The following DOCK10 variants were observed in gnomAD, a reference collection of about 807,000 sequenced individuals.
DOCK10 encodes dedicator of cytokinesis protein 10.
Under a neutral mutation model 280.1 loss-of-function variants are expected in DOCK10, and 145 were observed. That is an observed-to-expected ratio of 0.52 (90% CI 0.45 to 0.59). DOCK10 has a LOEUF of 0.59. Ranked by LOEUF, DOCK10 falls within the 20% of genes least tolerant of loss-of-function variation. The pLI, the probability that DOCK10 is intolerant of heterozygous loss-of-function variation, is 0.00. For missense variants in DOCK10, 2,368 were observed against 2,651.7 expected, an observed-to-expected ratio of 0.89 and a Z score of 2.35; for synonymous variants, 915 against 942.2, an observed-to-expected ratio of 0.97 and a Z score of 0.53.
intron 1 of DOCK10, chr2:225,010,557 A>G (rs1013036809): frequency 6.5e-6 from 1 of 154,296 alleles, no homozygotes; most frequent in Non-Finnish European, 1.5e-5. Context: ...AGCTGACATC[A>G]GTTTCTTTTA....
At chr2:224,828,984 C>G (rs1334598261) in intron 27 of DOCK10, among the ~76,000 whole-genome samples, 2 of 152,182 alleles carry the variant, frequency 1.3e-5, no homozygotes, top group African/African-American at 4.8e-5. Context: ...TACACATTGA[C>G]TGAAGAGGTG....
At chr2:224,858,328 GC>G (rs1482243037) in intron 14 of DOCK10, among the ~76,000 whole-genome samples, 5 of 152,112 alleles carry the variant, frequency 3.3e-5, no homozygotes, top group African/African-American at 1.2e-4. Context: ...GAGAAGTTTT[GC>G]TCACAGTGCC....
chr2:224,899,918 C>T (rs886181572), intron 3 of DOCK10, among the ~76,000 whole-genome samples: 2 of 152,138 alleles, frequency 1.3e-5, no homozygotes, highest in African/African-American at 4.8e-5. Flanking sequence ...TATTCTTGTC[C>T]TGGGACTAGG....
intron 1 of DOCK10, among the ~76,000 whole-genome samples, chr2:224,973,255 C>T (rs927671311): frequency 3.3e-5 from 5 of 152,150 alleles, no homozygotes; most frequent in Non-Finnish European, 7.4e-5. Context: ...AGCCCCTTAA[C>T]AACGTACATG....
intron 2 of DOCK10, among the ~76,000 whole-genome samples, chr2:224,926,804 T>A (rs1702067932): frequency 6.6e-6 from 1 of 152,236 alleles, no homozygotes; most frequent in African/African-American, 2.4e-5. Context: ...AACATTATGT[T>A]ATAAAATAGC....
chr2:225,009,568 G>C (rs1190173781), intron 1 of DOCK10, among the ~76,000 whole-genome samples: 2 of 149,136 alleles, frequency 1.3e-5, no homozygotes, highest in East Asian at 4.0e-4. Context: ...AAGGTTAGCA[G>C]AATGTCGTCT....
In DOCK10 at chr2:224,885,520, G is replaced by A. The variant is rs1574994034; in HGVS notation, c.747+151C>T. On this transcript the variant is annotated intron_variant, in intron 7 of 55. Coordinates refer to ENST00000258390, the MANE Select transcript of DOCK10 (RefSeq NM_014689.3). ...TCTTTCTCTCTGGAAAGTAAGATTT[G>A]TGAAAGTAGAGATCCAGGCTGCCTT... 28 of 709,078 alleles carry A rather than the reference G, an allele frequency of 3.9e-5. 1 individual carries two copies. The East Asian group carries it at 9.1e-4, about 23-fold the overall frequency. 43.9% of individuals were successfully genotyped at this position (709,078 alleles called of 1,614,324 possible). A position where few individuals can be genotyped will look rare whatever the true frequency, so the allele number is the denominator to read the frequency against.
In DOCK10 at chr2:224,846,968, T is replaced by C. The variant is rs1696403673; in HGVS notation, c.2236-1326A>G. On this transcript the variant is annotated intron_variant, in intron 19 of 55. Transcript: ENST00000258390. Reference sequence around the variant, plus strand: ...ATGCACATTGTTGAGTAATATGGTATAGTAAATGATGCAGCTTCGGCATGG... The same window carrying C: ...ATGCACATTGTTGAGTAATATGGTACAGTAAATGATGCAGCTTCGGCATGG... Among the ~76,000 whole-genome samples the C allele has an allele frequency of 2.0e-5, 3 of 152,348 alleles. No homozygotes were observed. In the South Asian group the frequency reaches 6.2e-4, roughly 32 times the overall value.
chr2:224,904,314 CAA>C lies in DOCK10; in HGVS notation c.334-7939_334-7938del, dbSNP rs869085307. Among the ~76,000 whole-genome samples the C allele has an allele frequency of 1.4e-4, 21 of 151,928 alleles. No homozygotes were observed. The East Asian group carries it at 3.7e-3, about 27-fold the overall frequency. On this transcript the variant is annotated intron_variant, in intron 3 of 55. Coordinates refer to ENST00000258390, the MANE Select transcript of DOCK10 (RefSeq NM_014689.3). ...TTAGTGAATGAAGAGCCTTATTTTT[CAA>C]AAAATAAAAATCCAAAACCCCCAAA...
chr2:224,790,781 C>T (rs1035524038), intron 47 of DOCK10, among the ~76,000 whole-genome samples: 2 of 152,066 alleles, frequency 1.3e-5, no homozygotes, highest in African/African-American at 4.8e-5. Context: ...TATATTCATA[C>T]AATTGTGAAC....
In DOCK10 at chr2:224,770,093, T is replaced by C. The variant is rs115040038; in HGVS notation, c.6444+118A>G. ...CGGGAGAGAGAACAGATCAGCAACA[T>C]GGTGCTGATGCAGTGATTTCTGCAG... On this transcript the variant is annotated intron_variant, in intron 55 of 55. Coordinates refer to ENST00000258390, the MANE Select transcript of DOCK10 (RefSeq NM_014689.3). This position sits in a 1 kb window ranked among gnomAD's most constrained non-coding sequence, Gnocchi z 4.5. The C allele has an allele frequency of 0.02, 24,083 of 1,184,368 alleles. 350 individuals carry two copies. The highest frequency in any genetic ancestry group is 0.048 in the South Asian group (2,402 of 49,802). The allele number at this position is 1,184,368 out of a possible 1,614,324, so 73.4% of individuals were successfully genotyped here. A position where few individuals can be genotyped will look rare whatever the true frequency, so the allele number is the denominator to read the frequency against.
chr2:225,036,751 T>C (rs1690270379), intron 1 of DOCK10, among the ~76,000 whole-genome samples: 1 of 152,244 alleles, frequency 6.6e-6, no homozygotes, highest in Non-Finnish European at 1.5e-5. Flanking sequence ...ATTTATCTAA[T>C]GGACTTCTTA....
At chr2:224,894,175 C>T (rs1262301659) in intron 4 of DOCK10, among the ~76,000 whole-genome samples, 1 of 152,172 alleles carries the variant, frequency 6.6e-6, no homozygotes, top group Non-Finnish European at 1.5e-5. Flanking sequence ...TATTTCTTCT[C>T]ATGAGATTAA....
rs866669240 is a variant in DOCK10, at chr2:225,018,596, A to G, written c.123+23656T>C. Among the ~76,000 whole-genome samples the G allele has an allele frequency of 3.1e-3, 47 of 15,366 alleles. 4 individuals carry two copies. The highest frequency in any genetic ancestry group is 0.014 in the African/African-American group (41 of 2,868). The allele number at this position is 15,366 out of a possible 152,430, so 10.1% of individuals were successfully genotyped here. A position where few individuals can be genotyped will look rare whatever the true frequency, so the allele number is the denominator to read the frequency against. Reference sequence around the variant, plus strand: ...ATATATATAATATATATGTAATATTATATATATATAATATATATGTAATAT... The same window carrying G: ...ATATATATAATATATATGTAATATTGTATATATATAATATATATGTAATAT... On this transcript the variant is annotated intron_variant, in intron 1 of 55. Transcript: ENST00000258390.
intron 22 of DOCK10, among the ~76,000 whole-genome samples, chr2:224,842,758 C>A (rs1444751106): frequency 1.3e-5 from 2 of 152,176 alleles, no homozygotes; most frequent in African/African-American, 2.4e-5. Context: ...GAGGACAGAG[C>A]AGAGGGCAAG....
At chr2:224,818,677 C>T (rs995117059) in intron 29 of DOCK10, among the ~76,000 whole-genome samples, 19 of 152,144 alleles carry the variant, frequency 1.2e-4, no homozygotes, top group South Asian at 4.1e-4. Context: ...GGATTACAGG[C>T]GTGAGCCACC....
rs183266077 is a variant in DOCK10, at chr2:224,779,340, C to T, written c.5656-1056G>A. On this transcript the variant is annotated intron_variant, in intron 50 of 55. Transcript: ENST00000258390. ...AAGCGATTCTCCTACTTTGGCCTCC[C>T]AAGTAGCTGGGACTGCAGATGTGTA... Among the ~76,000 whole-genome samples, 5 of 152,128 alleles carry T rather than the reference C, an allele frequency of 3.3e-5. No individual in the cohort carries two copies. The South Asian group carries it at 8.3e-4, about 25-fold the overall frequency.
chr2:225,014,147 C>A, intron 1 of DOCK10, among the ~76,000 whole-genome samples: 1 of 139,288 alleles, frequency 7.2e-6, no homozygotes, highest in Admixed American at 7.8e-5. Flanking sequence ...AAACAAAATG[C>A]CTTTAGCTGA....
intron 51 of DOCK10, among the ~76,000 whole-genome samples, chr2:224,776,598 G>A (rs1340389723): frequency 7.3e-5 from 11 of 150,786 alleles, no homozygotes; most frequent in Non-Finnish European, 1.5e-4. Flanking sequence ...TTCATGCCCA[G>A]ATGCCTCCAA....
Sources: gnomAD v4.1 joint callset for allele counts (sites outside exome capture counted in the v4.1 genomes callset) on GRCh38, gnomAD v4.1.1 for gene constraint, Gnocchi (gnomAD v3.1) non-coding constraint, MANE v1.5 for transcripts, NCBI Gene and HGNC (gene_info 2026-07-23, HGNC 2026-07-21) for gene names.